SH3PXD2B: variants seen among roughly 807,000 people sequenced by gnomAD.
The protein encoded by SH3PXD2B is SH3 and PX domain-containing protein 2B.
Under a neutral mutation model 73.1 loss-of-function variants are expected in SH3PXD2B, and 37 were observed. The observed-to-expected ratio is 0.51, with a 90% confidence interval of 0.39 to 0.67. The LOEUF (loss-of-function observed/expected upper bound fraction) is 0.67, where lower values mean the gene tolerates loss of function less well. SH3PXD2B is among the 30% of genes least tolerant of loss of function. The pLI is 0.00. For synonymous variants in SH3PXD2B, 457 were observed against 480.5 expected, an observed-to-expected ratio of 0.95 and a Z score of 0.64; for missense variants, 1,053 against 1,197.8, an observed-to-expected ratio of 0.88 and a Z score of 1.78.
intron 1 of SH3PXD2B, among the ~76,000 whole-genome samples, chr5:172,438,398 A>C (rs963181433): frequency 6.6e-6 from 1 of 152,082 alleles, no homozygotes; most frequent in Non-Finnish European, 1.5e-5. Flanking sequence ...GGGTTTGTCT[A>C]TTCACCATGG....
At chr5:172,436,534 G>A (rs1437117688) in intron 1 of SH3PXD2B, among the ~76,000 whole-genome samples, 1 of 152,186 alleles carries the variant, frequency 6.6e-6, no homozygotes, top group Non-Finnish European at 1.5e-5. Context: ...GAGGGGAAAG[G>A]GACTTGCCCA....
At chr5:172,394,486 G>T (rs927341965) in intron 4 of SH3PXD2B, 77 bp downstream of exon 4, 14 of 1,451,412 alleles carry the variant, frequency 9.6e-6, no homozygotes, top group Non-Finnish European at 1.3e-5. Flanking sequence ...TTATTGTTGA[G>T]CATCTTGTAG....
chr5:172,353,996 T>C lies in SH3PXD2B; in HGVS notation c.677A>G (p.Tyr226Cys). Residue 226 changes from tyrosine to cysteine, a missense_variant, in exon 9 of 13, where the codon TAC becomes TGC. Physicochemically the swap from Tyr to Cys is radical, Grantham distance 194. Coordinates refer to ENST00000311601, the MANE Select transcript of SH3PXD2B (RefSeq NM_001017995.3). This position sits in a 1 kb window ranked among gnomAD's most constrained non-coding sequence, Gnocchi z 4.3. ...AGCTGTGTACGGGTAGATGACTGTG[T>C]ACTTCTCCTCTGTGGGGACAAAAGG... is the stretch of plus-strand genomic sequence containing the variant. ...FSLQPEEEEK[Y>C]TVIYPYTARD... 6.2e-7 allele frequency: 1 copy of C among 1,614,088 alleles called. No individual in the cohort carries two copies. The highest frequency in any genetic ancestry group is 8.5e-7 in the Non-Finnish European group (1 of 1,179,990).
chr5:172,365,979 A>G (rs1757511341), intron 6 of SH3PXD2B, among the ~76,000 whole-genome samples: 1 of 152,146 alleles, frequency 6.6e-6, no homozygotes, highest in African/African-American at 2.4e-5. Context: ...TGGACCAGGT[A>G]AGTGTGTTTC....
chr5:172,388,947 C>G (rs912565589), intron 4 of SH3PXD2B, among the ~76,000 whole-genome samples: 7 of 152,236 alleles, frequency 4.6e-5, no homozygotes, highest in African/African-American at 1.7e-4. Context: ...TGCCCCTTAG[C>G]CCTGGCCCTT....
In SH3PXD2B at chr5:172,335,735, C is replaced by T. The variant is rs1756674007; in HGVS notation, c.*2634G>A. ...AGTCCTGGATGGGGTAAATCTAAGT[C>T]CCCAGGCAAGGACAGCTAGGAGAGT... On this transcript the variant is annotated 3_prime_UTR_variant, in exon 13 of 13. Transcript: ENST00000311601. The T allele has an allele frequency of 8.1e-7, 1 of 1,231,216 alleles. No individual in the cohort carries two copies. The highest frequency in any genetic ancestry group is 3.2e-5 in the East Asian group (1 of 31,686). 76.3% of individuals were successfully genotyped at this position (1,231,216 alleles called of 1,614,324 possible).
At chr5:172,348,699 CTATCT>C (rs1757080449) in intron 10 of SH3PXD2B, among the ~76,000 whole-genome samples, 2 of 42,114 alleles carry the variant, frequency 4.7e-5, no homozygotes, top group African/African-American at 7.3e-5. Context: ...ATCTATCTAT[CTATCT>C]ATCTATTTAT....
At chr5:172,361,559 C>T (rs535020121) in intron 7 of SH3PXD2B, among the ~76,000 whole-genome samples, 3 of 152,284 alleles carry the variant, frequency 2.0e-5, no homozygotes, top group African/African-American at 7.2e-5. Context: ...GCAGTGGGTG[C>T]TCCTGTCTTT....
At chr5:172,412,486 A>G (rs1260797385) in intron 2 of SH3PXD2B, among the ~76,000 whole-genome samples, 1 of 152,208 alleles carries the variant, frequency 6.6e-6, no homozygotes, top group East Asian at 1.9e-4. Context: ...TATTTAAACC[A>G]CATCCAATTT....
At chr5:172,350,298 G>T in intron 10 of SH3PXD2B, 65 bp downstream of exon 10, 1 of 1,515,478 alleles carries the variant, frequency 6.6e-7, no homozygotes, top group Non-Finnish European at 9.1e-7. Flanking sequence ...GATGTGAGAC[G>T]CCTTGAGCAC....
At chr5:172,405,776 T>A (rs1174828121) in intron 3 of SH3PXD2B, among the ~76,000 whole-genome samples, 1 of 152,224 alleles carries the variant, frequency 6.6e-6, no homozygotes, top group Non-Finnish European at 1.5e-5. Flanking sequence ...TTTAAGCTAT[T>A]AAATTGGTGG....
At chr5:172,417,120 T>C (rs1758844849) in intron 2 of SH3PXD2B, among the ~76,000 whole-genome samples, 1 of 152,132 alleles carries the variant, frequency 6.6e-6, no homozygotes, top group African/African-American at 2.4e-5. Context: ...GGAGGGGGCA[T>C]ATTGTTTTCT....
intron 6 of SH3PXD2B, among the ~76,000 whole-genome samples, chr5:172,365,392 A>C (rs1001716885): frequency 6.6e-6 from 1 of 152,100 alleles, no homozygotes; most frequent in Non-Finnish European, 1.5e-5. Context: ...ACAAAGCTGG[A>C]CTCTGTCCAC....
chr5:172,325,417 A>C (rs1362533804), intron 12 of SH3PXD2B: 2 of 1,443,276 alleles, frequency 1.4e-6, no homozygotes, highest in Non-Finnish European at 1.9e-6. Context: ...GCAAATCTTC[A>C]GTCCTTTCCA....
Position 172,335,811 on chromosome 5 carries a change from G to T in SH3PXD2B, c.*2558C>A. Reference sequence around the variant, plus strand: ...GCCTGGGGAAGTGTCTACCATTGTAGGAAAAGGAGCTGGATACAGACGTCC... The same window carrying T: ...GCCTGGGGAAGTGTCTACCATTGTATGAAAAGGAGCTGGATACAGACGTCC... On this transcript the variant is annotated 3_prime_UTR_variant, in exon 13 of 13. Coordinates refer to ENST00000311601, the MANE Select transcript of SH3PXD2B (RefSeq NM_001017995.3). The T allele has an allele frequency of 1.6e-6, 2 of 1,229,862 alleles. No individual in the cohort carries two copies. Among genetic ancestry groups the T allele is most frequent in the Non-Finnish European group, 2.0e-6 (2 of 987,392 alleles). The allele number at this position is 1,229,862 out of a possible 1,614,324, so 76.2% of individuals were successfully genotyped here.
At chr5:172,431,872 A>T (rs1250648474) in intron 1 of SH3PXD2B, among the ~76,000 whole-genome samples, 1 of 152,062 alleles carries the variant, frequency 6.6e-6, no homozygotes, top group Admixed American at 6.5e-5. Context: ...CTTTAAAGAT[A>T]CCTTATTTAG....
chr5:172,400,242 T>C (rs1211657630), intron 3 of SH3PXD2B, among the ~76,000 whole-genome samples: 1 of 152,136 alleles, frequency 6.6e-6, no homozygotes, highest in South Asian at 2.1e-4. Context: ...TGAGGGCCCA[T>C]CTAAAACTTT....
intron 1 of SH3PXD2B, among the ~76,000 whole-genome samples, chr5:172,439,543 T>C (rs1371142621): frequency 6.6e-6 from 1 of 152,132 alleles, no homozygotes; most frequent in African/African-American, 2.4e-5. Context: ...TAACCCATTA[T>C]GGAGATTAGA....
chr5:172,386,560 T>C (rs1271027898), intron 4 of SH3PXD2B, among the ~76,000 whole-genome samples: 1 of 148,054 alleles, frequency 6.8e-6, no homozygotes, highest in Non-Finnish European at 1.5e-5. Flanking sequence ...TTAAAAACGT[T>C]TTCTGTTGTT....
Sources: gnomAD v4.1 joint callset for allele counts (sites outside exome capture counted in the v4.1 genomes callset) on GRCh38, gnomAD v4.1.1 for gene constraint, Gnocchi (gnomAD v3.1) non-coding constraint, MANE v1.5 for transcripts, NCBI Gene and HGNC (gene_info 2026-07-23, HGNC 2026-07-21) for gene names.